Variants in BABAM2 observed in about 807,000 individuals in gnomAD.
BABAM2 encodes BRISC and BRCA1 A complex member 2, also known as BRISC and BRCA1-A complex member 2.
BABAM2 carries 31 observed loss-of-function variants against 54.7 expected under a neutral mutation model. The ratio of observed to expected loss-of-function variants is 0.57; its 90% CI spans 0.43 to 0.77. The LOEUF (loss-of-function observed/expected upper bound fraction) is 0.77. Among genes scored for constraint, BABAM2 ranks in the 30% least tolerant of loss-of-function variants. BABAM2 has a pLI of 0.00. For missense variants in BABAM2, 364 were observed against 455.8 expected, an observed-to-expected ratio of 0.80 and a Z score of 1.83; for synonymous variants, 167 against 162.9, an observed-to-expected ratio of 1.03 and a Z score of -0.19.
chr2:28,197,274 C>T lies in BABAM2; in HGVS notation c.681-39928C>T, dbSNP rs1191596764. On this transcript the variant is annotated intron_variant, in intron 7 of 11. Transcript: ENST00000379624. The stretch of plus-strand genomic sequence containing the variant: ...CTTGTTTTAAAGCCTTGCTTGAGCG[C>T]CGGCTGATACATATCCTGACCAATT... Among the ~76,000 whole-genome samples the T allele has an allele frequency of 2.0e-5, 3 of 152,164 alleles. No homozygotes were observed. In the East Asian group the frequency reaches 5.8e-4, roughly 29 times the overall value.
chr2:28,087,719 G>T (rs1204676859), intron 6 of BABAM2, among the ~76,000 whole-genome samples: 1 of 151,778 alleles, frequency 6.6e-6, no homozygotes, highest in East Asian at 1.9e-4. Context: ...CATGATCTTG[G>T]CCCACTGCAA....
At chr2:27,982,100 G>A (rs72812537) in intron 3 of BABAM2, among the ~76,000 whole-genome samples, 11,810 of 152,078 alleles carry the variant, frequency 0.078, 784 homozygotes, top group African/African-American at 0.18. Context: ...GCACTTCCCT[G>A]TTGGCTAATG....
chr2:28,196,654 G>A (rs1677587648), intron 7 of BABAM2, among the ~76,000 whole-genome samples: 1 of 151,866 alleles, frequency 6.6e-6, no homozygotes, highest in Non-Finnish European at 1.5e-5. Context: ...ACCAGCCTTG[G>A]CAACATAGCA....
At chr2:28,169,663 G>A (rs1674101713) in intron 7 of BABAM2, among the ~76,000 whole-genome samples, 1 of 151,688 alleles carries the variant, frequency 6.6e-6, no homozygotes, top group Admixed American at 6.6e-5. Flanking sequence ...CGTGCCTGTA[G>A]TCCCTGGGAG....
At chr2:27,932,126 C>T (rs1668140891) in intron 3 of BABAM2, among the ~76,000 whole-genome samples, 1 of 152,046 alleles carries the variant, frequency 6.6e-6, no homozygotes, top group Non-Finnish European at 1.5e-5. Flanking sequence ...AACAGGTTAC[C>T]TACTTATCTT....
At chr2:27,974,757 A>G (rs1468425005) in intron 3 of BABAM2, among the ~76,000 whole-genome samples, 1 of 152,142 alleles carries the variant, frequency 6.6e-6, no homozygotes, top group East Asian at 1.9e-4. Context: ...CAGGAAGTCA[A>G]GAAAAAGAAA....
At chr2:28,207,165 G>A (rs1051284772) in intron 7 of BABAM2, among the ~76,000 whole-genome samples, 9 of 151,976 alleles carry the variant, frequency 5.9e-5, no homozygotes, top group Admixed American at 1.3e-4. Flanking sequence ...AAACAAAACT[G>A]CTGCTCTATT....
At chr2:28,140,954 CTT>C (rs1400262800) in intron 7 of BABAM2, among the ~76,000 whole-genome samples, 1 of 152,090 alleles carries the variant, frequency 6.6e-6, no homozygotes, top group Non-Finnish European at 1.5e-5. Flanking sequence ...GGTGATGACC[CTT>C]TTCCTAGCTT....
intron 7 of BABAM2, among the ~76,000 whole-genome samples, chr2:28,190,727 AGAGCCCTC>A (rs1252745239): frequency 6.6e-6 from 1 of 152,158 alleles, no homozygotes; most frequent in Non-Finnish European, 1.5e-5. Context: ...CCATGAGGGC[AGAGCCCTC>A]ATGATCTAAT....
At chr2:28,076,189 G>T (rs898067810) in intron 6 of BABAM2, among the ~76,000 whole-genome samples, 1 of 152,028 alleles carries the variant, frequency 6.6e-6, no homozygotes, top group South Asian at 2.1e-4. Context: ...TGGGAGGATC[G>T]CTTGAGCCTG....
intron 3 of BABAM2, among the ~76,000 whole-genome samples, chr2:27,955,810 C>T (rs183579256): frequency 9.2e-5 from 14 of 152,150 alleles, no homozygotes; most frequent in South Asian, 4.2e-4. Flanking sequence ...TCAAACTATA[C>T]GAACAGAGAT....
At chr2:28,212,787 A>G (rs935692740) in intron 7 of BABAM2, among the ~76,000 whole-genome samples, 1 of 152,166 alleles carries the variant, frequency 6.6e-6, no homozygotes, top group Non-Finnish European at 1.5e-5. Flanking sequence ...ACACTTAACA[A>G]TGTTATTGAC....
chr2:27,986,007 G>T (rs1389202420), intron 3 of BABAM2, among the ~76,000 whole-genome samples: 2 of 152,088 alleles, frequency 1.3e-5, no homozygotes, highest in Non-Finnish European at 2.9e-5. Context: ...ACAATTTAGT[G>T]GGCTCATAAA....
chr2:27,969,827 C>A (rs1408588599), intron 3 of BABAM2, among the ~76,000 whole-genome samples: 1 of 152,080 alleles, frequency 6.6e-6, no homozygotes, highest in Non-Finnish European at 1.5e-5. Flanking sequence ...CTTAATATAC[C>A]GCAGTTGATA....
chr2:27,985,079 G>GTGTGTA (rs1378057273), intron 3 of BABAM2, among the ~76,000 whole-genome samples: 1 of 151,462 alleles, frequency 6.6e-6, no homozygotes, highest in African/African-American at 2.4e-5. Context: ...GTGTGTGTGT[G>GTGTGTA]TGTGTGTGTG....
At chr2:27,981,357 G>C (rs140642946) in intron 3 of BABAM2, among the ~76,000 whole-genome samples, 24 of 152,220 alleles carry the variant, frequency 1.6e-4, no homozygotes, top group African/African-American at 5.8e-4. Flanking sequence ...GCTTTATTGA[G>C]ATACAATTAC....
intron 7 of BABAM2, among the ~76,000 whole-genome samples, chr2:28,139,488 G>C (rs1670861476): frequency 6.6e-6 from 1 of 151,844 alleles, no homozygotes; most frequent in South Asian, 2.1e-4. Context: ...AGAATTGCTT[G>C]AACCTGGGAG....
rs1479494339 is a variant in BABAM2, at chr2:28,183,943, A to G, written c.681-53259A>G. On this transcript the variant is annotated intron_variant, in intron 7 of 11. Transcript: ENST00000379624. ...AGCATCAGGGAGTCAGAGTGTTGTTATTTGCTCATAGAGACACACACAACT... is the reference window on the plus strand; with the variant it reads ...AGCATCAGGGAGTCAGAGTGTTGTTGTTTGCTCATAGAGACACACACAACT... 6.6e-5 allele frequency among the ~76,000 whole-genome samples: 10 copies of G among 151,954 alleles called. No homozygotes were observed. The East Asian group carries it at 1.9e-3, about 29-fold the overall frequency.
At chr2:27,900,892 A>T (rs947388232) in intron 2 of BABAM2, among the ~76,000 whole-genome samples, 2 of 152,042 alleles carry the variant, frequency 1.3e-5, no homozygotes, top group African/African-American at 4.8e-5. Context: ...AAATACAAAA[A>T]ATTAGCCGGG....
Sources: gnomAD v4.1 joint callset for allele counts (sites outside exome capture counted in the v4.1 genomes callset) on GRCh38, gnomAD v4.1.1 for gene constraint, MANE v1.5 for transcripts, NCBI Gene and HGNC (gene_info 2026-07-23, HGNC 2026-07-21) for gene names.